Variants in ZBTB37 observed in about 807,000 individuals in gnomAD.
ZBTB37 encodes zinc finger and BTB domain containing 37, also known as zinc finger and BTB domain-containing protein 37.
A neutral mutation model predicts 37.7 loss-of-function variants in ZBTB37; 15 were observed. The ratio of observed to expected loss-of-function variants is 0.40; its 90% CI spans 0.27 to 0.61. ZBTB37 has a LOEUF of 0.61. Ranked by LOEUF, ZBTB37 falls within the 20% of genes least tolerant of loss-of-function variation. ZBTB37 has a pLI of 0.44. For synonymous variants in ZBTB37, 231 were observed against 220.6 expected (o/e 1.05, Z -0.42); for missense variants, 514 against 641.9 (o/e 0.80, Z 2.15).
At chr1:173,891,268 T>G (rs1001275240), downstream of ZBTB37, 1 of 152,228 alleles carries the variant, frequency 6.6e-6, no homozygotes, top group Non-Finnish European at 1.5e-5. Flanking sequence ...AAAACTAATT[T>G]CATTATGAAG....
chr1:173,877,119 G>T (rs1202627140), intron 4 of ZBTB37, among the ~76,000 whole-genome samples: 2 of 152,018 alleles, frequency 1.3e-5, no homozygotes, highest in African/African-American at 2.4e-5. Flanking sequence ...TATTATAATC[G>T]TATGGAAGCA....
At chr1:173,887,315 C>A (rs1656664758), downstream of ZBTB37, 1 of 152,106 alleles carries the variant, frequency 6.6e-6, no homozygotes, top group African/African-American at 2.4e-5. Context: ...GTCTGCAAAC[C>A]TAGTAATTCA....
At chr1:173,879,437 A>C (rs1324699162) in intron 4 of ZBTB37, among the ~76,000 whole-genome samples, 2 of 152,126 alleles carry the variant, frequency 1.3e-5, no homozygotes, top group Non-Finnish European at 2.9e-5. Context: ...GAAGGGTAGG[A>C]GACAAATTTT....
At chr1:173,882,029 G>T (rs1656342863) in intron 4 of ZBTB37, among the ~76,000 whole-genome samples, 1 of 151,632 alleles carries the variant, frequency 6.6e-6, no homozygotes, top group Non-Finnish European at 1.5e-5. Flanking sequence ...ACTCCAGCCT[G>T]GGTGACAGAG....
chr1:173,883,986 T>G (rs2102747164), intron 4 of ZBTB37, among the ~76,000 whole-genome samples: 1 of 152,350 alleles, frequency 6.6e-6, no homozygotes, highest in South Asian at 2.1e-4. Flanking sequence ...ATTGGTACTT[T>G]ATTCTTTGTT....
At chr1:173,873,323 C>A in intron 3 of ZBTB37, 144 bp from the exon 4 acceptor site, 1 of 736,588 alleles carries the variant, frequency 1.4e-6, no homozygotes, top group Non-Finnish European at 2.1e-6. Context: ...TATGTATTAA[C>A]TCCACAAAAC....
At chr1:173,890,135 A>T (rs1656788307), downstream of ZBTB37, 1 of 152,192 alleles carries the variant, frequency 6.6e-6, no homozygotes, top group Admixed American at 6.5e-5. Context: ...AGGAGCTGGG[A>T]CTACAGGCGT....
chr1:173,871,249 C>T lies in ZBTB37; in HGVS notation c.923+101C>T, dbSNP rs1407156423. 3 of 1,218,988 alleles carry T rather than the reference C, an allele frequency of 2.5e-6. No individual in the cohort carries two copies. In the African/African-American group the frequency reaches 4.6e-5, roughly 19 times the overall value. 75.5% of individuals were successfully genotyped at this position (1,218,988 alleles called of 1,614,324 possible). A position where few individuals can be genotyped will look rare whatever the true frequency, so the allele number is the denominator to read the frequency against. On this transcript the variant is annotated intron_variant, in intron 3 of 4. Transcript: ENST00000427304. Reference sequence around the variant, plus strand: ...GAGAGCATTTTCCTTACCTGATTTTCTTGGTCAAAATAAGTTGATGATGGG... The same window carrying T: ...GAGAGCATTTTCCTTACCTGATTTTTTTGGTCAAAATAAGTTGATGATGGG...
downstream of ZBTB37, chr1:173,889,448 T>C (rs1467721047): frequency 6.6e-6 from 1 of 152,244 alleles, no homozygotes; most frequent in East Asian, 1.9e-4. Context: ...TGAAGTACTT[T>C]AATGCCATGA....
exon 4 of ZBTB37, chr1:173,895,566 A>G (rs1453013493): frequency 6.6e-6 from 1 of 152,192 alleles, no homozygotes; most frequent in East Asian, 1.9e-4. Flanking sequence ...TTCTTGAGAT[A>G]GTGAAAAGTT....
downstream of ZBTB37, chr1:173,888,715 C>G (rs1255702484): frequency 6.6e-6 from 1 of 152,124 alleles, no homozygotes; most frequent in Non-Finnish European, 1.5e-5. Flanking sequence ...CAGGCATGAG[C>G]CAGTGAACTT....
chr1:173,890,781 T>C (rs1656811451), downstream of ZBTB37: 1 of 152,188 alleles, frequency 6.6e-6, no homozygotes, highest in African/African-American at 2.4e-5. Flanking sequence ...CACTTACTTG[T>C]TTAGGTATTG....
intron 4 of ZBTB37, among the ~76,000 whole-genome samples, chr1:173,881,462 A>G (rs1309814157): frequency 6.6e-6 from 1 of 152,230 alleles, no homozygotes; most frequent in African/African-American, 2.4e-5. Flanking sequence ...TCCTTTGGGT[A>G]TATACCCAGT....
chr1:173,868,394 C>T (rs1429469645), exon 1 of ZBTB37: 4 of 153,132 alleles, frequency 2.6e-5, no homozygotes, highest in African/African-American at 4.8e-5. Flanking sequence ...CGGCCCATTT[C>T]CACCCCCGGA....
chr1:173,886,274 C>A, exon 5 of ZBTB37: 1 of 1,288,510 alleles, frequency 7.8e-7, no homozygotes, highest in Non-Finnish European at 1.0e-6. Flanking sequence ...GGATCAGCAA[C>A]TTACACAAAA....
chr1:173,884,284 C>G (rs960983663), intron 4 of ZBTB37, among the ~76,000 whole-genome samples: 1 of 151,726 alleles, frequency 6.6e-6, no homozygotes. Flanking sequence ...TCCCAAGGAG[C>G]TGGGACTACA....
rs1465103196 is a variant in ZBTB37 at position 173,870,416 on chromosome 1, A to G, written c.191A>G (p.Asn64Ser). ...TATTTCCGGGATCACATGTCCTTGA[A>G]TGAGATGAGTACAGTCTCCATTTCA... is the stretch of plus-strand genomic sequence containing the variant. Residue 64 changes from asparagine (N) to serine (S), a missense_variant, in exon 3 of 5, where the codon AAT (asparagine) becomes AGT (serine). Around this residue, in one of 3 missense-constraint regions of ZBTB37, gnomAD observed 105 missense variants for 158.1 expected, o/e 0.66. Coordinates refer to ENST00000427304, the Ensembl canonical transcript of ZBTB37. The G allele has an allele frequency of 1.2e-6, 2 of 1,614,228 alleles. No individual in the cohort carries two copies. Among genetic ancestry groups the G allele is most frequent in the Non-Finnish European group, 1.7e-6 (2 of 1,180,044 alleles).
chr1:173,874,338 C>CTTT (rs371801992), intron 4 of ZBTB37, among the ~76,000 whole-genome samples: 78 of 141,278 alleles, frequency 5.5e-4, no homozygotes, highest in African/African-American at 1.9e-3. Flanking sequence ...TAGAAAACAT[C>CTTT]TTTTTTTTTT....
exon 4 of ZBTB37, chr1:173,893,129 C>G (rs1211781695): frequency 2.6e-5 from 4 of 152,280 alleles, no homozygotes; most frequent in Non-Finnish European, 5.9e-5. Flanking sequence ...TCGTGAACTC[C>G]TGGCCTCAAT....
Sources: allele counts gnomAD v4.1 joint callset (sites outside exome capture counted in the v4.1 genomes callset), GRCh38; gene constraint gnomAD v4.1.1; regional missense constraint gnomAD v4.1.1; transcripts MANE v1.5; gene names NCBI Gene and HGNC (gene_info 2026-07-23, HGNC 2026-07-21).